Variants in MAP4K2 observed in about 807,000 individuals in gnomAD.
MAP4K2 encodes B lymphocyte serine/threonine protein kinase.
MAP4K2 carries 85 observed loss-of-function variants against 125.3 expected under a neutral mutation model. That is an observed-to-expected ratio of 0.68 (90% confidence interval 0.57 to 0.81). The LOEUF is 0.81. Among genes scored for constraint, MAP4K2 ranks in the 40% least tolerant of loss-of-function variants. The pLI is 0.00. For missense variants in MAP4K2, 923 were observed against 1,056.4 expected, an observed-to-expected ratio of 0.87 and a Z score of 1.75; for synonymous variants, 479 against 445.1, an observed-to-expected ratio of 1.08 and a Z score of -0.96.
At chr11:64,802,379 G>C in intron 4 of MAP4K2, 40 bp downstream of exon 4, 1 of 1,487,938 alleles carries the variant, frequency 6.7e-7, no homozygotes, top group Non-Finnish European at 8.9e-7. Flanking sequence ...AGGGGTGGGG[G>C]AAGGCTGGGG....
chr11:64,792,044 G>T lies in MAP4K2; in HGVS notation c.1957C>A (p.Pro653Thr). 3.1e-6 allele frequency: 5 copies of T among 1,595,848 alleles called. No individual in the cohort carries two copies. Among genetic ancestry groups the T allele is most frequent in the Non-Finnish European group, 4.3e-6 (5 of 1,171,650 alleles). Reference sequence around the variant, plus strand: ...AGCTCCTTCCCATCCAGCACCAGCGGCTCCAGCATCCCAGCTGGGCTGGGC... The same window carrying T: ...AGCTCCTTCCCATCCAGCACCAGCGTCTCCAGCATCCCAGCTGGGCTGGGC... ...PLPSPAGMLE[P>T]LVLDGKELPQ... The change falls in exon 27 of 32, where the codon CCG becomes ACG. Residue 653 changes from proline to threonine, a missense_variant. By Grantham distance (38) the Pro-to-Thr change is conservative (BLOSUM62 -1). This residue lies in a region of MAP4K2 where 833 missense variants were observed against 911.4 expected (regional missense o/e 0.91). Transcript: ENST00000294066.
At chr11:64,795,383 C>T (rs1426663932) in intron 24 of MAP4K2, among the ~76,000 whole-genome samples, 1 of 151,858 alleles carries the variant, frequency 6.6e-6, no homozygotes, top group African/African-American at 2.4e-5. Flanking sequence ...CGCCTGGCCC[C>T]ATTTTTTGAT....
intron 27 of MAP4K2, among the ~76,000 whole-genome samples, chr11:64,790,716 G>A (rs1940426296): frequency 6.6e-6 from 1 of 152,214 alleles, no homozygotes; most frequent in African/African-American, 2.4e-5. Context: ...CCAGGTTTAA[G>A]GGGACCAGGC....
At chr11:64,790,337 C>T (rs978383986) in intron 28 of MAP4K2, 57 bp downstream of exon 28, 3 of 1,611,390 alleles carry the variant, frequency 1.9e-6, no homozygotes, top group South Asian at 1.1e-5. Flanking sequence ...GGCAGACCCA[C>T]GTGGTCGCCT....
intron 12 of MAP4K2, among the ~76,000 whole-genome samples, 195 bp from the exon 13 acceptor site, chr11:64,799,878 A>C (rs1941055801): frequency 6.6e-6 from 1 of 152,210 alleles, no homozygotes; most frequent in African/African-American, 2.4e-5. Context: ...AGAAAGCAAG[A>C]AAATGGCACA....
At chr11:64,802,269 C>G (rs547870402) in intron 4 of MAP4K2, 148 bp from the exon 5 acceptor site, 1 of 1,069,036 alleles carries the variant, frequency 9.4e-7, no homozygotes, top group African/African-American at 1.6e-5. Context: ...ATACTGAACC[C>G]AGAGATGGAC....
chr11:64,798,969 G>C lies in MAP4K2; in HGVS notation c.1054-132C>G, dbSNP rs541803945. Reference sequence around the variant, plus strand: ...AAAGGTGAGATGGAAACACACAGAAGATGAGAGAGACAGACAGTGGGAGGC... The same window carrying C: ...AAAGGTGAGATGGAAACACACAGAACATGAGAGAGACAGACAGTGGGAGGC... On this transcript the variant is annotated intron_variant, in intron 14 of 31. Coordinates refer to ENST00000294066, the MANE Select transcript of MAP4K2 (RefSeq NM_004579.5). The C allele has an allele frequency of 8.1e-5, 62 of 766,694 alleles. No individual in the cohort carries two copies. In the African/African-American group the frequency reaches 1.1e-3, roughly 13 times the overall value. The allele number at this position is 766,694 out of a possible 1,614,324, so 47.5% of individuals were successfully genotyped here. A position where few individuals can be genotyped will look rare whatever the true frequency, so the allele number is the denominator to read the frequency against.
chr11:64,800,399 G>A lies in MAP4K2; in HGVS notation c.726-7C>T, dbSNP rs983966512. 8.7e-6 allele frequency: 14 copies of A among 1,613,764 alleles called. No individual in the cohort carries two copies. The highest frequency in any genetic ancestry group is 1.2e-5 in the Non-Finnish European group (14 of 1,179,946). The stretch of plus-strand genomic sequence containing the variant: ...GTGGTGGAAATTCTGGGTCCTAGAA[G>A]GCACAAGAGCCCCCCAGCGCCAGAT... On this transcript the variant is annotated splice_region_variant and splice_polypyrimidine_tract_variant and intron_variant, in intron 10 of 31. Coordinates refer to ENST00000294066, the MANE Select transcript of MAP4K2 (RefSeq NM_004579.5).
chr11:64,803,129 C>T lies in MAP4K2; in HGVS notation c.21G>A (p.Val7=), dbSNP rs1941348243. 1 of 1,561,966 alleles carries T rather than the reference C, an allele frequency of 6.4e-7. No homozygotes were observed. Among genetic ancestry groups the T allele is most frequent in the East Asian group, 2.5e-5 (1 of 39,844 alleles). Residue 7 remains valine, a synonymous_variant, in exon 1 of 32, where the codon GTG becomes GTA. Transcript: ENST00000294066. ...AGCGGTCCCGCGGGTCCTGCAGCGA[C>T]ACATCCCGCAGCAGCGCCATGGCCC... MALLRD[V]SLQDPRDRFE... is the part of the protein sequence containing the mutation.
At position 64,789,558 on chromosome 11, in the gene MAP4K2, C is replaced by G. The variant is rs919296303; in HGVS notation, c.2442G>C (p.Thr814=). 1.8e-5 allele frequency: 28 copies of G among 1,592,716 alleles called. No homozygotes were observed. The highest frequency in any genetic ancestry group is 2.3e-5 in the Non-Finnish European group (27 of 1,169,390). ...GCTCTTAGTAGGTGCTCTGGTGGCC[C>G]GTGAGGATGTAGAGGTTGCTGTGCG... The part of the protein sequence containing the change: ...PEAHSNLYIL[T]GHQSTY Residue 814 remains threonine, a synonymous_variant, in exon 32 of 32, where the codon ACG becomes ACC. Transcript: ENST00000294066.
Position 64,802,501 on chromosome 11 carries a change from G to A in MAP4K2, c.246-18C>T. On this transcript the variant is annotated intron_variant, in intron 3 of 31. Transcript: ENST00000294066. ...GGTCATTCCTAGGGACAAAGAGCTG[G>A]GGTGGGCACAAAGCAGGTCACATGG... 1 of 1,549,870 alleles carries A rather than the reference G, an allele frequency of 6.5e-7. No homozygotes were observed. The highest frequency in any genetic ancestry group is 2.3e-5 in the East Asian group (1 of 43,668).
chr11:64,802,294 G>A, intron 4 of MAP4K2, 125 bp downstream of exon 4: 1 of 1,164,468 alleles, frequency 8.6e-7, no homozygotes, highest in East Asian at 2.5e-5. Context: ...TTTCTCTCAA[G>A]GTCACACAGC....
chr11:64,795,874 C>G (rs1244808863), intron 24 of MAP4K2, among the ~76,000 whole-genome samples: 1 of 152,176 alleles, frequency 6.6e-6, no homozygotes, highest in African/African-American at 2.4e-5. Flanking sequence ...TCCTTGAAAG[C>G]AAGGACTCAT....
chr11:64,802,357 C>T, intron 4 of MAP4K2, 62 bp downstream of exon 4: 8 of 1,459,530 alleles, frequency 5.5e-6, no homozygotes, highest in South Asian at 1.3e-5. Flanking sequence ...CCCTCTGGTA[C>T]CCCAGTGGGG....
chr11:64,801,432 G>A (rs1209866888), intron 7 of MAP4K2, 147 bp downstream of exon 7: 1 of 970,390 alleles, frequency 1.0e-6, no homozygotes, highest in Non-Finnish European at 1.6e-6. Context: ...TTTCCAGCAG[G>A]GAGGGAGTAC....
Position 64,789,724 on chromosome 11 carries a change from G to A in MAP4K2, c.2375+6C>T, listed in dbSNP as rs779097889. 1.2e-5 allele frequency: 20 copies of A among 1,613,956 alleles called. No homozygotes were observed. Among genetic ancestry groups the A allele is most frequent in the African/African-American group, 5.3e-5 (4 of 74,906 alleles). ...CTGAAGGGGAGGCTAGGGTACCACC[G>A]CCTACCTGTGGGCCCCAAGCACTCG... On this transcript the variant is annotated splice_donor_region_variant and intron_variant, in intron 31 of 31. Coordinates refer to ENST00000294066, the MANE Select transcript of MAP4K2 (RefSeq NM_004579.5).
intron 15 of MAP4K2, 93 bp from the exon 16 acceptor site, chr11:64,797,757 G>A (rs1220716602): frequency 4.0e-6 from 5 of 1,239,028 alleles, no homozygotes; most frequent in South Asian, 1.7e-5. Flanking sequence ...CCAGGCCGGA[G>A]TGCAGTGGCG....
rs1197059535 is a variant in MAP4K2 at position 64,802,617 on chromosome 11, A to G, written c.191T>C (p.Ile64Thr). 3 of 1,612,352 alleles carry G rather than the reference A, an allele frequency of 1.9e-6. No individual in the cohort carries two copies. Among genetic ancestry groups the G allele is most frequent in the Non-Finnish European group, 1.7e-6 (2 of 1,179,184 alleles). ...DISSLQQEIT[I>T]LRECRHPNVV... is the part of the protein sequence containing the mutation. ...ATTGGGGTGGCGGCACTCACGCAGGATGGTGATTTCCTGCTGGAGGGAGCT... is the reference window on the plus strand; with the variant it reads ...ATTGGGGTGGCGGCACTCACGCAGGGTGGTGATTTCCTGCTGGAGGGAGCT... Residue 64 changes from isoleucine to threonine, a missense_variant, in exon 3 of 32, where the codon ATC becomes ACC. Ile to Thr is a moderately conservative substitution (Grantham distance 89). Around this residue, in one of 2 missense-constraint regions of MAP4K2, gnomAD observed 833 missense variants for 911.4 expected, o/e 0.91. Transcript: ENST00000294066.
At chr11:64,800,509 C>T in intron 10 of MAP4K2, 117 bp from the exon 11 acceptor site, 17 of 1,237,078 alleles carry the variant, frequency 1.4e-5, no homozygotes, top group Non-Finnish European at 1.9e-5. Flanking sequence ...AGGAAGGAGC[C>T]AGCCGAGGCC....
Sources: gnomAD v4.1 joint callset for allele counts (sites outside exome capture counted in the v4.1 genomes callset) on GRCh38, gnomAD v4.1.1 for gene constraint, gnomAD v4.1.1 regional missense constraint, MANE v1.5 for transcripts, NCBI Gene and HGNC (gene_info 2026-07-23, HGNC 2026-07-21) for gene names.